MPZL1: variants seen among roughly 807,000 people sequenced by gnomAD.
MPZL1 encodes myelin protein zero-like protein 1.
In MPZL1, 16 loss-of-function variants were observed where a neutral mutation model predicts 29.3. The observed-to-expected ratio is 0.55, with a 90% CI of 0.37 to 0.83. The LOEUF is 0.83. MPZL1 is among the 40% of genes least tolerant of loss of function. MPZL1 has a pLI of 0.00. For missense variants in MPZL1, 279 were observed against 332.9 expected, an observed-to-expected ratio of 0.84 and a Z score of 1.26; for synonymous variants, 143 against 132.0, an observed-to-expected ratio of 1.08 and a Z score of -0.57.
chr1:167,769,743 ACCATTATTCTTTATCAGTGATCATTTAGG>A, intron 2 of MPZL1, among the ~76,000 whole-genome samples: 1 of 152,312 alleles, frequency 6.6e-6, no homozygotes, highest in East Asian at 1.9e-4. Context: ...TATAATAATA[ACCATTATTCTTTATCAGTGATCATTTAGG>A]CATTGTGGAA....
At chr1:167,722,434 C>G (rs1462702366) in intron 1 of MPZL1, among the ~76,000 whole-genome samples, 192 bp downstream of exon 1, 3 of 152,220 alleles carry the variant, frequency 2.0e-5, no homozygotes, top group African/African-American at 7.2e-5. Context: ...GCCGGGAAGG[C>G]GCAGAGCCTC....
intron 1 of MPZL1, among the ~76,000 whole-genome samples, chr1:167,741,095 C>T (rs1447252734): frequency 1.3e-5 from 2 of 152,148 alleles, no homozygotes; most frequent in Non-Finnish European, 2.9e-5. Context: ...CGGCTTACTG[C>T]AGCCTTGAAC....
chr1:167,748,089 A>G (rs1480924261), intron 1 of MPZL1, among the ~76,000 whole-genome samples: 1 of 152,158 alleles, frequency 6.6e-6, no homozygotes, highest in Non-Finnish European at 1.5e-5. Context: ...ATAATATTCC[A>G]TTGTATGAAT....
chr1:167,756,838 C>T (rs1660878439), intron 1 of MPZL1, among the ~76,000 whole-genome samples: 1 of 152,066 alleles, frequency 6.6e-6, no homozygotes, highest in Admixed American at 6.6e-5. Flanking sequence ...CCTTTGCCCT[C>T]TTGGGGGTGC....
At chr1:167,742,293 GAAA>G (rs960124881) in intron 1 of MPZL1, among the ~76,000 whole-genome samples, 1 of 150,626 alleles carries the variant, frequency 6.6e-6, no homozygotes, top group Admixed American at 6.6e-5. Flanking sequence ...ACAAAAAAAA[GAAA>G]AAAAAATCTT....
At chr1:167,750,865 G>C (rs151013213) in intron 1 of MPZL1, among the ~76,000 whole-genome samples, 16 of 152,240 alleles carry the variant, frequency 1.1e-4, no homozygotes, top group African/African-American at 3.6e-4. Context: ...TTAGTCTGCA[G>C]CATTTCCTGA....
At chr1:167,735,877 C>T (rs1437324158) in intron 1 of MPZL1, among the ~76,000 whole-genome samples, 1 of 152,018 alleles carries the variant, frequency 6.6e-6, no homozygotes, top group East Asian at 1.9e-4. Context: ...AAAGATAAGC[C>T]ATAGTGGAGA....
At chr1:167,766,925 C>T (rs932559812) in intron 2 of MPZL1, among the ~76,000 whole-genome samples, 2 of 152,160 alleles carry the variant, frequency 1.3e-5, no homozygotes, top group African/African-American at 4.8e-5. Flanking sequence ...TAAGGCAGTG[C>T]TTCTCAGTAT....
intron 2 of MPZL1, among the ~76,000 whole-genome samples, chr1:167,768,390 T>G (rs1247497604): frequency 9.9e-6 from 1 of 100,958 alleles, no homozygotes; most frequent in Non-Finnish European, 2.1e-5. Flanking sequence ...TAATGCCTCT[T>G]TTTTTTTTTT....
intron 1 of MPZL1, among the ~76,000 whole-genome samples, chr1:167,725,706 C>T (rs1277549521): frequency 2.0e-5 from 3 of 152,142 alleles, no homozygotes; most frequent in East Asian, 1.9e-4. Flanking sequence ...AGGCTGGTCT[C>T]GAACTCCTGA....
intron 2 of MPZL1, among the ~76,000 whole-genome samples, chr1:167,768,086 C>A (rs1433200420): frequency 1.3e-5 from 2 of 151,994 alleles, no homozygotes; most frequent in African/African-American, 2.4e-5. Flanking sequence ...TATTCTTCTG[C>A]TTCTGTTTTT....
intron 1 of MPZL1, among the ~76,000 whole-genome samples, chr1:167,745,463 C>T (rs114771083): frequency 3.9e-5 from 6 of 151,938 alleles, no homozygotes; most frequent in African/African-American, 9.7e-5. Context: ...TTTAAAAACA[C>T]GGAAAATACT....
At position 167,744,623 on chromosome 1, in the gene MPZL1, G is replaced by T. The variant is rs1010795664; in HGVS notation, c.92-20960G>T. ...CACTTGAACCCGGGGGTCAGAGGTT[G>T]CAGTGAGCCGAGATCGCACCACTTC... On this transcript the variant is annotated intron_variant, in intron 1 of 5. Coordinates refer to ENST00000359523, the MANE Select transcript of MPZL1 (RefSeq NM_003953.6). Among the ~76,000 whole-genome samples the T allele has an allele frequency of 3.4e-5, 5 of 149,048 alleles. No individual in the cohort carries two copies. The East Asian group carries it at 9.9e-4, about 29-fold the overall frequency.
rs942239655 is a variant in MPZL1, at chr1:167,788,439, A to G, written c.*518A>G. On this transcript the variant is annotated 3_prime_UTR_variant, in exon 6 of 6. Coordinates refer to ENST00000359523, the MANE Select transcript of MPZL1 (RefSeq NM_003953.6). ...TTTATTTGTCTGCCGCTTTTAAAAA[A>G]TACCCATTGGCTATGCCACTTGAAA... is the stretch of plus-strand genomic sequence containing the variant. 1 of 152,718 alleles carries G rather than the reference A, an allele frequency of 6.5e-6. No individual in the cohort carries two copies. The highest frequency in any genetic ancestry group is 1.9e-4 in the East Asian group (1 of 5,202). 9.5% of individuals were successfully genotyped at this position (152,718 alleles called of 1,614,324 possible).
chr1:167,746,161 G>A (rs1435031791), intron 1 of MPZL1, among the ~76,000 whole-genome samples: 1 of 152,084 alleles, frequency 6.6e-6, no homozygotes, highest in Admixed American at 6.6e-5. Context: ...TTGCCTTGAA[G>A]GAAGAGTGGG....
intron 1 of MPZL1, among the ~76,000 whole-genome samples, chr1:167,735,180 A>T (rs1194757372): frequency 6.6e-6 from 1 of 152,230 alleles, no homozygotes; most frequent in Non-Finnish European, 1.5e-5. Flanking sequence ...GGAGTAACCA[A>T]CAAATCTCAT....
At chr1:167,757,161 C>T (rs1660886441) in intron 1 of MPZL1, among the ~76,000 whole-genome samples, 1 of 152,172 alleles carries the variant, frequency 6.6e-6, no homozygotes, top group Admixed American at 6.5e-5. Context: ...ACTTCAGCTG[C>T]AGGGTGGCCC....
intron 1 of MPZL1, chr1:167,765,329 A>G (rs1571159874): frequency 9.5e-6 from 2 of 210,736 alleles, no homozygotes; most frequent in East Asian, 2.0e-4. Context: ...TTTAAAAAAA[A>G]AATTCAATAT....
At position 167,773,233 on chromosome 1, in the gene MPZL1, T is replaced by C; in HGVS notation, c.473-3T>C. 6.2e-7 allele frequency: 1 copy of C among 1,611,940 alleles called. No individual in the cohort carries two copies. Among genetic ancestry groups the C allele is most frequent in the Non-Finnish European group, 8.5e-7 (1 of 1,178,634 alleles). On this transcript the variant is annotated splice_region_variant and splice_polypyrimidine_tract_variant and intron_variant, in intron 3 of 5. Transcript: ENST00000359523. ...TTAAAACTATTTTGTTCTTTCTCTC[T>C]AGAGAATTTGCCTGTGTTTCCAGTT...
Sources: allele counts gnomAD v4.1 joint callset (sites outside exome capture counted in the v4.1 genomes callset), GRCh38; gene constraint gnomAD v4.1.1; transcripts MANE v1.5; gene names NCBI Gene and HGNC (gene_info 2026-07-23, HGNC 2026-07-21).